BORCS8: variants seen among roughly 807,000 people sequenced by gnomAD.
BORCS8 encodes the protein BLOC-1 related complex subunit 8, also known as BLOC-1-related complex subunit 8.
Under a neutral mutation model 18.7 loss-of-function variants are expected in BORCS8, and 13 were observed. The observed-to-expected ratio is 0.70, with a 90% CI of 0.45 to 1.11. The LOEUF (loss-of-function observed/expected upper bound fraction) is 1.11, where lower values mean the gene tolerates loss of function less well. Ranked by LOEUF, BORCS8 falls within the 50% of genes least tolerant of loss-of-function variation. The pLI is 0.00. For missense variants in BORCS8, 165 were observed against 165.7 expected, an observed-to-expected ratio of 1.00 and a Z score of 0.02; for synonymous variants, 68 against 64.8, an observed-to-expected ratio of 1.05 and a Z score of -0.24.
At chr19:19,188,756 G>C (rs766364234) in intron 1 of BORCS8, among the ~76,000 whole-genome samples, 2 of 152,100 alleles carry the variant, frequency 1.3e-5, no homozygotes, top group Non-Finnish European at 2.9e-5. Flanking sequence ...TTTTACCTGA[G>C]GTGCCCCTCG....
intron 4 of BORCS8, among the ~76,000 whole-genome samples, chr19:19,181,278 T>C (rs1307627676): frequency 2.0e-5 from 3 of 149,678 alleles, no homozygotes; most frequent in South Asian, 4.2e-4. Flanking sequence ...GGCGAGAGAA[T>C]TGCTTGAGCC....
At chr19:19,186,849 C>G (rs781747633) in intron 2 of BORCS8, 44 bp downstream of exon 2, 1 of 1,405,282 alleles carries the variant, frequency 7.1e-7, no homozygotes, top group Admixed American at 2.4e-5. Flanking sequence ...AGCCTTGACT[C>G]CTGCCCTGAC....
At position 19,192,097 on chromosome 19, in the gene BORCS8, C is replaced by T; in HGVS notation, c.21G>A (p.Gln7=). The T allele has an allele frequency of 1.3e-6, 2 of 1,551,448 alleles. No individual in the cohort carries two copies. The highest frequency in any genetic ancestry group is 1.7e-6 in the Non-Finnish European group (2 of 1,146,886). The change falls in exon 1 of 6, where the codon CAG becomes CAA. Residue 7 remains glutamine, a synonymous_variant. Transcript: ENST00000462790. MEEPEM[Q]LKGKKVTDKF... is the part of the protein sequence containing the mutation. ...CCGCACCACCTTTCTTCCCCTTGAGCTGCATCTCCGGCTCCTCCATAGCGA... is the reference window on the plus strand; with the variant it reads ...CCGCACCACCTTTCTTCCCCTTGAGTTGCATCTCCGGCTCCTCCATAGCGA...
chr19:19,190,064 C>G (rs2060450592), intron 1 of BORCS8, among the ~76,000 whole-genome samples: 1 of 152,196 alleles, frequency 6.6e-6, no homozygotes, highest in Admixed American at 6.5e-5. Context: ...CTTCATCCCT[C>G]AGGTCTGCTC....
intron 1 of BORCS8, 125 bp downstream of exon 1, chr19:19,191,956 C>T (rs570687236): frequency 8.6e-7 from 1 of 1,159,502 alleles, no homozygotes; most frequent in Middle Eastern, 2.0e-4. Context: ...TAGTCAGCGG[C>T]AGAGCTGGGA....
At chr19:19,177,685 G>GGAAAAGAAAAGAA (rs1491566806) in intron 5 of BORCS8, 1 of 55,774 alleles carries the variant, frequency 1.8e-5, no homozygotes, top group African/African-American at 6.5e-5. Flanking sequence ...AGGAAGGAAG[G>GGAAAAGAAAAGAA]AAGGAAGGAA....
At position 19,182,588 on chromosome 19, in the gene BORCS8, C is replaced by T. The variant is rs1829426837; in HGVS notation, c.311G>A (p.Ser104Asn). The T allele has an allele frequency of 6.4e-7, 1 of 1,550,966 alleles. No homozygotes were observed. The highest frequency in any genetic ancestry group is 8.7e-7 in the Non-Finnish European group (1 of 1,146,918). Residue 104 changes from serine (S) to asparagine (N), a missense_variant, in exon 4 of 6, where the codon AGT becomes AAT. By Grantham distance (46) the Ser-to-Asn change is conservative. Coordinates refer to ENST00000462790, the MANE Select transcript of BORCS8 (RefSeq NM_001145784.2). This position sits in a 1 kb window ranked among gnomAD's most constrained non-coding sequence, Gnocchi z 4.1. Reference sequence around the variant, plus strand: ...CAGGAGCTACCTGTGGCCCTGGGCACTGGCATTCATATGGTCCCGGATGCT... The same window carrying T: ...CAGGAGCTACCTGTGGCCCTGGGCATTGGCATTCATATGGTCCCGGATGCT... ...AISIRDHMNA[S>N]AQGHSPEEPP...
Position 19,182,022 on chromosome 19 carries a change from G to A in BORCS8, c.326+551C>T, listed in dbSNP as rs1259493277. 5.1e-6 allele frequency: 5 copies of A among 985,248 alleles called. No homozygotes were observed. Among genetic ancestry groups the A allele is most frequent in the Non-Finnish European group, 6.0e-6 (5 of 829,964 alleles). The allele number at this position is 985,248 out of a possible 1,614,324, so 61.0% of individuals were successfully genotyped here. A position where few individuals can be genotyped will look rare whatever the true frequency, so the allele number is the denominator to read the frequency against. On this transcript the variant is annotated intron_variant, in intron 4 of 5. Transcript: ENST00000462790. This position sits in a 1 kb window ranked among gnomAD's most constrained non-coding sequence, Gnocchi z 4.1. Reference sequence around the variant, plus strand: ...TGGTCCTGGGCTTAAAGCCTCCCTTGGCTCTGGGTCCTGGGACAGGGAGAG... The same window carrying A: ...TGGTCCTGGGCTTAAAGCCTCCCTTAGCTCTGGGTCCTGGGACAGGGAGAG...
At position 19,180,818 on chromosome 19, in the gene BORCS8, C is replaced by T. The variant is rs2060341301; in HGVS notation, c.327-57G>A. 2.7e-6 allele frequency: 4 copies of T among 1,492,818 alleles called. No individual in the cohort carries two copies. The South Asian group carries it at 5.3e-5, about 20-fold the overall frequency. The allele number at this position is 1,492,818 out of a possible 1,614,324, so 92.5% of individuals were successfully genotyped here. A position where few individuals can be genotyped will look rare whatever the true frequency, so the allele number is the denominator to read the frequency against. Reference sequence around the variant, plus strand: ...CCAAGGTCAGAGGCCACAAGGCTTGCTCAGCTGGCTGGAGTGTATGTTTGG... The same window carrying T: ...CCAAGGTCAGAGGCCACAAGGCTTGTTCAGCTGGCTGGAGTGTATGTTTGG... On this transcript the variant is annotated intron_variant, in intron 4 of 5. Coordinates refer to ENST00000462790, the MANE Select transcript of BORCS8 (RefSeq NM_001145784.2).
At chr19:19,178,209 G>C (rs945158474) in intron 5 of BORCS8, 1 of 152,334 alleles carries the variant, frequency 6.6e-6, no homozygotes, top group African/African-American at 2.4e-5. Flanking sequence ...AGGGTCGATG[G>C]GGGGCCAGTG....
chr19:19,191,565 A>G (rs1419827877), intron 1 of BORCS8, among the ~76,000 whole-genome samples: 1 of 151,278 alleles, frequency 6.6e-6, no homozygotes, highest in Non-Finnish European at 1.5e-5. Context: ...ATGCATTACA[A>G]ATATCAGGTT....
chr19:19,188,865 TG>T (rs1347191340), intron 1 of BORCS8, among the ~76,000 whole-genome samples: 1 of 151,936 alleles, frequency 6.6e-6, no homozygotes, highest in Non-Finnish European at 1.5e-5. Flanking sequence ...GACAGAGTCT[TG>T]CTCTGTTGTC....
chr19:19,187,118 G>T, intron 1 of BORCS8, 113 bp from the exon 2 acceptor site: 1 of 741,148 alleles, frequency 1.3e-6, no homozygotes, highest in Non-Finnish European at 2.2e-6. Flanking sequence ...GTGTCCCTCC[G>T]CAGCTAGGTC....
chr19:19,182,403 T>G lies in BORCS8; in HGVS notation c.326+170A>C. On this transcript the variant is annotated intron_variant, in intron 4 of 5. Coordinates refer to ENST00000462790, the MANE Select transcript of BORCS8 (RefSeq NM_001145784.2). The surrounding 1 kb of genome is among the most constrained non-coding windows in gnomAD (Gnocchi z 4.1). ...CAGAGCGCAGGACCTCGGTATTAAG[T>G]GACTGAACTCAGGTTATAGATGCCA... is the stretch of plus-strand genomic sequence containing the variant. The G allele has an allele frequency of 7.1e-7, 1 of 1,411,734 alleles. No individual in the cohort carries two copies. The highest frequency in any genetic ancestry group is 9.2e-7 in the Non-Finnish European group (1 of 1,082,854). 87.5% of individuals were successfully genotyped at this position (1,411,734 alleles called of 1,614,324 possible). A position where few individuals can be genotyped will look rare whatever the true frequency, so the allele number is the denominator to read the frequency against.
intron 1 of BORCS8, among the ~76,000 whole-genome samples, chr19:19,187,860 G>C (rs1287849908): frequency 6.8e-6 from 1 of 146,750 alleles, no homozygotes; most frequent in Non-Finnish European, 1.5e-5. Flanking sequence ...TTTTTTTTTA[G>C]AGACAGGGTC....
At chr19:19,177,824 G>A (rs377632160) in intron 5 of BORCS8, 13 of 157,366 alleles carry the variant, frequency 8.3e-5, no homozygotes, top group African/African-American at 2.9e-4. Flanking sequence ...ATCAGAGGCA[G>A]GCAGGGCTGG....
At position 19,182,610 on chromosome 19, in the gene BORCS8, T is replaced by A. The variant is rs2060359904; in HGVS notation, c.289A>T (p.Ile97Phe). Reference sequence around the variant, plus strand: ...GCACTGGCATTCATATGGTCCCGGATGCTGATGGCCTGTTTGAGCAGACCC... The same window carrying A: ...GCACTGGCATTCATATGGTCCCGGAAGCTGATGGCCTGTTTGAGCAGACCC... ...VEGLLKQAISIRDHMNASAQG... is the reference protein window; with the variant it reads ...VEGLLKQAISFRDHMNASAQG... The change falls in exon 4 of 6, where the codon ATC becomes TTC. Residue 97 changes from isoleucine (I) to phenylalanine (F), a missense_variant. By Grantham distance (21) the Ile-to-Phe change is conservative (BLOSUM62 0). Coordinates refer to ENST00000462790, the MANE Select transcript of BORCS8 (RefSeq NM_001145784.2). The surrounding 1 kb of genome is among the most constrained non-coding windows in gnomAD (Gnocchi z 4.1). 1 of 1,551,266 alleles carries A rather than the reference T, an allele frequency of 6.4e-7. No homozygotes were observed. Among genetic ancestry groups the A allele is most frequent in the African/African-American group, 1.4e-5 (1 of 73,004 alleles).
In BORCS8 at chr19:19,186,107, G is replaced by C. The variant is rs1027291990; in HGVS notation, c.151-9C>G. 8 of 1,551,276 alleles carry C rather than the reference G, an allele frequency of 5.2e-6. No individual in the cohort carries two copies. The highest frequency in any genetic ancestry group is 7.0e-6 in the Non-Finnish European group (8 of 1,146,932). ...CAACGCTGCATGTCTGCCTGTAGGGGGCGCAGGAGATATTTGGCAAGGGAG... is the reference window on the plus strand; with the variant it reads ...CAACGCTGCATGTCTGCCTGTAGGGCGCGCAGGAGATATTTGGCAAGGGAG... On this transcript the variant is annotated splice_polypyrimidine_tract_variant and intron_variant, in intron 2 of 5. Transcript: ENST00000462790.
intron 1 of BORCS8, among the ~76,000 whole-genome samples, chr19:19,187,305 T>C (rs1298062878): frequency 6.6e-6 from 1 of 151,928 alleles, no homozygotes; most frequent in Non-Finnish European, 1.5e-5. Flanking sequence ...GTAAAACCCA[T>C]CTCTACTAAA....
Sources: allele counts gnomAD v4.1 joint callset (sites outside exome capture counted in the v4.1 genomes callset), GRCh38; gene constraint gnomAD v4.1.1; non-coding constraint Gnocchi (gnomAD v3.1); transcripts MANE v1.5; gene names NCBI Gene and HGNC (gene_info 2026-07-23, HGNC 2026-07-21).